Variants in GABRG3 observed in about 807,000 individuals in gnomAD.
GABRG3 encodes the protein gamma-aminobutyric acid type A receptor subunit gamma3.
GABRG3 carries 25 observed loss-of-function variants against 48.8 expected under a neutral mutation model. The ratio of observed to expected loss-of-function variants is 0.51; its 90% CI spans 0.37 to 0.72. The LOEUF is 0.72. GABRG3 is among the 30% of genes least tolerant of loss of function. The pLI is 0.00. For synonymous variants in GABRG3, 227 were observed against 217.6 expected, an observed-to-expected ratio of 1.04 and a Z score of -0.38; for missense variants, 394 against 577.9, an observed-to-expected ratio of 0.68 and a Z score of 3.26.
intron 6 of GABRG3, among the ~76,000 whole-genome samples, chr15:27,514,275 G>T (rs1012324228): frequency 6.6e-6 from 1 of 152,196 alleles, no homozygotes; most frequent in Admixed American, 6.5e-5. Flanking sequence ...ACACATTTAT[G>T]ACCTTATAAT....
chr15:27,400,076 A>G (rs12440080), intron 5 of GABRG3, among the ~76,000 whole-genome samples: 73,382 of 152,102 alleles, frequency 0.48, 18,399 homozygotes, highest in East Asian at 0.8. Flanking sequence ...TCACTTTGCT[A>G]TGAAGGGATT....
chr15:27,332,664 A>G (rs546751970), intron 5 of GABRG3, among the ~76,000 whole-genome samples: 1 of 152,228 alleles, frequency 6.6e-6, no homozygotes, highest in Non-Finnish European at 1.5e-5. Context: ...TAAAAATTTT[A>G]TAGTAACAAA....
chr15:27,362,178 A>G (rs1258806235), intron 5 of GABRG3: 2 of 152,222 alleles, frequency 1.3e-5, no homozygotes, highest in Non-Finnish European at 1.5e-5. Flanking sequence ...AATTGGCTCA[A>G]TTAAAATGTA....
At chr15:27,257,921 G>GTTGGGA (rs60524697) in intron 3 of GABRG3, among the ~76,000 whole-genome samples, 102,235 of 151,136 alleles carry the variant, frequency 0.68, 35,145 homozygotes, top group Non-Finnish European at 0.71. Context: ...CTCTCAAAGT[G>GTTGGGA]TTATAGACGT....
intron 2 of GABRG3, among the ~76,000 whole-genome samples, chr15:26,991,588 T>C (rs1895248544): frequency 6.6e-6 from 1 of 152,192 alleles, no homozygotes; most frequent in Non-Finnish European, 1.5e-5. Context: ...TTTGATATCC[T>C]CTTCAATTTT....
chr15:27,207,924 G>C (rs1167380927), intron 3 of GABRG3, among the ~76,000 whole-genome samples: 1 of 152,170 alleles, frequency 6.6e-6, no homozygotes, highest in Non-Finnish European at 1.5e-5. Context: ...GAGCAAGGAT[G>C]CCCTCCTTAG....
intron 3 of GABRG3, among the ~76,000 whole-genome samples, chr15:27,146,432 G>A (rs1315512789): frequency 1.3e-5 from 2 of 152,170 alleles, no homozygotes; most frequent in Non-Finnish European, 2.9e-5. Context: ...ACTCCAGCCT[G>A]CGTGACACGG....
intron 3 of GABRG3, among the ~76,000 whole-genome samples, chr15:27,055,183 C>T (rs1896523906): frequency 6.6e-6 from 1 of 152,062 alleles, no homozygotes; most frequent in Admixed American, 6.5e-5. Flanking sequence ...GGCTCCGCGT[C>T]CCGCACCGGA....
chr15:27,397,672 TTCTGCTGATAGTAATTGGCATG>T (rs1887349679), intron 5 of GABRG3, among the ~76,000 whole-genome samples: 1 of 152,156 alleles, frequency 6.6e-6, no homozygotes, highest in Non-Finnish European at 1.5e-5. Flanking sequence ...AGCCTCCCGC[TTCTGCTGATAGTAATTGGCATG>T]TAGCTAATAT....
intron 3 of GABRG3, chr15:27,027,104 A>G: frequency 3.4e-6 from 1 of 296,716 alleles, no homozygotes; most frequent in Non-Finnish European, 6.2e-6. Context: ...CTCAGATTAT[A>G]CTTTTGTCTT....
chr15:27,053,498 G>A (rs1896489442), intron 3 of GABRG3, among the ~76,000 whole-genome samples: 1 of 152,226 alleles, frequency 6.6e-6, no homozygotes, highest in Non-Finnish European at 1.5e-5. Flanking sequence ...GGGTTGGAGA[G>A]GCTGCAGAGA....
At chr15:27,333,766 T>C (rs1182777462) in intron 5 of GABRG3, among the ~76,000 whole-genome samples, 2 of 150,568 alleles carry the variant, frequency 1.3e-5, no homozygotes, top group East Asian at 2.0e-4. Flanking sequence ...AATTCTCAGA[T>C]TGTCAGGAGA....
intron 3 of GABRG3, among the ~76,000 whole-genome samples, chr15:27,275,818 T>G (rs1250905950): frequency 1.3e-5 from 2 of 152,232 alleles, no homozygotes; most frequent in Non-Finnish European, 2.9e-5. Context: ...CTGATTTCTG[T>G]GACTGCAGGT....
chr15:27,326,326 T>C (rs1257519545), intron 3 of GABRG3, among the ~76,000 whole-genome samples: 1 of 152,258 alleles, frequency 6.6e-6, no homozygotes, highest in African/African-American at 2.4e-5. Flanking sequence ...ATAACTATTA[T>C]ATGAATGAAT....
At chr15:27,081,417 T>C (rs574053061) in intron 3 of GABRG3, among the ~76,000 whole-genome samples, 2 of 151,482 alleles carry the variant, frequency 1.3e-5, no homozygotes, top group Non-Finnish European at 2.9e-5. Context: ...TTATTAAATA[T>C]TCATTTGAAA....
intron 3 of GABRG3, among the ~76,000 whole-genome samples, chr15:27,154,000 G>A (rs561381241): frequency 1.3e-5 from 2 of 152,260 alleles, no homozygotes; most frequent in Admixed American, 6.5e-5. Context: ...GGCCATTTGT[G>A]TGAGGCTTTA....
intron 2 of GABRG3, among the ~76,000 whole-genome samples, chr15:27,025,946 C>T (rs1276657583): frequency 2.6e-5 from 4 of 152,148 alleles, no homozygotes; most frequent in African/African-American, 7.2e-5. Context: ...CATCAGCCCC[C>T]GACTCAGAGG....
At chr15:27,316,962 CTATTGTT>C (rs1374528873) in intron 3 of GABRG3, among the ~76,000 whole-genome samples, 1 of 152,164 alleles carries the variant, frequency 6.6e-6, no homozygotes, top group African/African-American at 2.4e-5. Context: ...GAAGTACTGT[CTATTGTT>C]TATACAGAAA....
intron 3 of GABRG3, among the ~76,000 whole-genome samples, chr15:27,142,940 A>C (rs1898132137): frequency 6.6e-6 from 1 of 151,910 alleles, no homozygotes. Flanking sequence ...GTATTTGTAG[A>C]GATAAGGTTT....
Sources: allele counts gnomAD v4.1 joint callset (sites outside exome capture counted in the v4.1 genomes callset), GRCh38; gene constraint gnomAD v4.1.1; transcripts MANE v1.5; gene names NCBI Gene and HGNC (gene_info 2026-07-23, HGNC 2026-07-21).